SEC16A: variants seen among roughly 807,000 people sequenced by gnomAD.
SEC16A encodes protein transport protein Sec16A.
Under a neutral mutation model 221.9 loss-of-function variants are expected in SEC16A, and 110 were observed. The observed-to-expected ratio is 0.50, with a 90% confidence interval of 0.42 to 0.58. The LOEUF (loss-of-function observed/expected upper bound fraction) is 0.58, where lower values mean the gene tolerates loss of function less well. Ranked by LOEUF, SEC16A falls within the 20% of genes least tolerant of loss-of-function variation. The probability of loss-of-function intolerance (pLI) is 0.00; values close to 1 mark genes in which losing one functional copy is unlikely to be tolerated. For missense variants in SEC16A, 3,165 were observed against 3,097.8 expected (o/e 1.02, Z -0.52); for synonymous variants, 1,393 against 1,257.7 (o/e 1.11, Z -2.28).
intron 4 of SEC16A, among the ~76,000 whole-genome samples, chr9:136,469,570 A>AGGAGGATGGCTTGAGCCC (rs1554815736): frequency 6.6e-6 from 1 of 152,228 alleles, no homozygotes; most frequent in Admixed American, 6.5e-5. Context: ...AGGCTGAGGC[A>AGGAGGATGGCTTGAGCCC]GGAGGATGGC....
intron 31 of SEC16A, 44 bp from the exon 32 acceptor site, chr9:136,441,867 G>C (rs745425610): frequency 5.1e-6 from 8 of 1,560,754 alleles, no homozygotes; most frequent in African/African-American, 1.4e-5. Flanking sequence ...CCTGCCCCCA[G>C]GGTGAGCAGT....
Position 136,476,850 on chromosome 9 carries a change from G to C in SEC16A, c.766C>G (p.Leu256Val), listed in dbSNP as rs1841706115. 1 of 1,612,760 alleles carries C rather than the reference G, an allele frequency of 6.2e-7. No homozygotes were observed. The highest frequency in any genetic ancestry group is 8.5e-7 in the Non-Finnish European group (1 of 1,179,664). ...TGCTCATGACCAGGGCCCTGATGTAGGATGGACGGGGTGGGGAAATGAGGA... is the reference window on the plus strand; with the variant it reads ...TGCTCATGACCAGGGCCCTGATGTACGATGGACGGGGTGGGGAAATGAGGA... ...SVPHFPTPSILHQGPGHEQHS... is the reference protein window; with the variant it reads ...SVPHFPTPSIVHQGPGHEQHS... Residue 256 changes from leucine (L) to valine (V), a missense_variant, in exon 3 of 32, where the codon CTA (leucine) becomes GTA (valine). By Grantham distance (32) the Leu-to-Val change is conservative. Around this residue, in one of 3 missense-constraint regions of SEC16A, gnomAD observed 2,030 missense variants for 1,923.1 expected, o/e 1.06. Coordinates refer to ENST00000684901, the MANE Select transcript of SEC16A (RefSeq NM_014866.2).
At position 136,451,425 on chromosome 9, in the gene SEC16A, C is replaced by G; in HGVS notation, c.6160-17G>C. ...CGAGGGGGTCTGTCGCAAGGAAATGCAGAACAGGCTCTCCTGGGGCTCCTC... is the reference window on the plus strand; with the variant it reads ...CGAGGGGGTCTGTCGCAAGGAAATGGAGAACAGGCTCTCCTGGGGCTCCTC... On this transcript the variant is annotated splice_polypyrimidine_tract_variant and intron_variant, in intron 22 of 31. Transcript: ENST00000684901. 6.3e-7 allele frequency: 1 copy of G among 1,578,950 alleles called. No individual in the cohort carries two copies. The highest frequency in any genetic ancestry group is 1.7e-4 in the Middle Eastern group (1 of 5,842).
chr9:136,443,671 G>C (rs1836523209), intron 31 of SEC16A, among the ~76,000 whole-genome samples, 152 bp downstream of exon 31: 1 of 152,216 alleles, frequency 6.6e-6, no homozygotes, highest in Admixed American at 6.5e-5. Context: ...CTGGGCAACA[G>C]AGCAAGACCC....
Position 136,445,343 on chromosome 9 carries a change from G to A in SEC16A, c.6868-232C>T, listed in dbSNP as rs150088080. On this transcript the variant is annotated intron_variant, in intron 29 of 31. Transcript: ENST00000684901. ...GGGCTGGGAGGAAAAGTCCAGCCTC[G>A]GCCTAAGCCAGCTTCACCTCCTGAC... 4.3e-3 allele frequency among the ~76,000 whole-genome samples: 651 copies of A among 152,236 alleles called. 15 individuals are homozygous for A. The highest frequency in any genetic ancestry group is 0.037 in the Admixed American group (564 of 15,300).
In SEC16A at chr9:136,477,132, T is replaced by C. The variant is rs1188606960; in HGVS notation, c.484A>G (p.Ile162Val). 4 of 1,613,726 alleles carry C rather than the reference T, an allele frequency of 2.5e-6. No individual in the cohort carries two copies. Among genetic ancestry groups the C allele is most frequent in the Non-Finnish European group, 3.4e-6 (4 of 1,179,840 alleles). The change falls in exon 3 of 32, where the codon ATT becomes GTT. Residue 162 changes from isoleucine (I) to valine (V), a missense_variant. Physicochemically the swap from Ile to Val is conservative, Grantham distance 29. Around this residue, in one of 3 missense-constraint regions of SEC16A, gnomAD observed 2,030 missense variants for 1,923.1 expected, o/e 1.06. Coordinates refer to ENST00000684901, the MANE Select transcript of SEC16A (RefSeq NM_014866.2). Reference sequence around the variant, plus strand: ...GACGTTTCAGGATCCACTCCTGGAATGTAGTGAGGAAGATATGGCAGAGTC... The same window carrying C: ...GACGTTTCAGGATCCACTCCTGGAACGTAGTGAGGAAGATATGGCAGAGTC... The part of the protein sequence containing the change: ...VQTLPYLPHY[I>V]PGVDPETSHG...
rs1233122547 is a variant in SEC16A at position 136,483,026 on chromosome 9, C to T, written c.-280G>A. ...GCACAGACACCTCAGCCGCCGCAGCCATCTTGGCACATCCGGCTCGGGTCT... is the reference window on the plus strand; with the variant it reads ...GCACAGACACCTCAGCCGCCGCAGCTATCTTGGCACATCCGGCTCGGGTCT... On this transcript the variant is annotated 5_prime_UTR_variant, in exon 1 of 32. It removes an upstream start codon present in the reference 5' UTR. Transcript: ENST00000684901. 3 of 985,218 alleles carry T rather than the reference C, an allele frequency of 3.0e-6. No homozygotes were observed. The highest frequency in any genetic ancestry group is 3.6e-6 in the Non-Finnish European group (3 of 829,842). The allele number at this position is 985,218 out of a possible 1,614,324, so 61.0% of individuals were successfully genotyped here.
chr9:136,483,099 C>A (rs531199408), upstream of SEC16A: 2 of 858,848 alleles, frequency 2.3e-6, no homozygotes, highest in African/African-American at 1.8e-5. Flanking sequence ...CATCAGCGCG[C>A]GCCCCGCCCC....
chr9:136,448,410 G>A, intron 23 of SEC16A: 1 of 701,888 alleles, frequency 1.4e-6, no homozygotes, highest in Non-Finnish European at 2.6e-6. Flanking sequence ...CCAGGAGGAT[G>A]GAGGTGGGGG....
At position 136,474,388 on chromosome 9, in the gene SEC16A, G is replaced by A. The variant is rs1841333594; in HGVS notation, c.3228C>T (p.Ala1076=). 13 of 1,612,798 alleles carry A rather than the reference G, an allele frequency of 8.1e-6. No individual in the cohort carries two copies. Among genetic ancestry groups the A allele is most frequent in the South Asian group, 1.1e-5 (1 of 91,090 alleles). The change falls in exon 3 of 32, where the codon GCC becomes GCT. Residue 1076 remains alanine (A), a synonymous_variant. Transcript: ENST00000684901. ...CTGGATTTGACAGCTCCGAAAACAT[G>A]GCTTTGGGTAGTTGTGGGGGAGAAG... The part of the protein sequence containing the change: ...QQASPPQLPK[A]MFSELSNPES...
Position 136,457,368 on chromosome 9 carries a change from A to T in SEC16A, c.5550+76T>A, listed in dbSNP as rs952925764. The T allele has an allele frequency of 2.0e-6, 3 of 1,494,844 alleles. No individual in the cohort carries two copies. The African/African-American group carries it at 4.2e-5, about 21-fold the overall frequency. The allele number at this position is 1,494,844 out of a possible 1,614,324, so 92.6% of individuals were successfully genotyped here. A position where few individuals can be genotyped will look rare whatever the true frequency, so the allele number is the denominator to read the frequency against. On this transcript the variant is annotated intron_variant, in intron 18 of 31. Coordinates refer to ENST00000684901, the MANE Select transcript of SEC16A (RefSeq NM_014866.2). ...GCGCGTCTGAACCATCGCTACCCCCATGCCCGGGGGCTCTGGCAAGCCCTC... is the reference window on the plus strand; with the variant it reads ...GCGCGTCTGAACCATCGCTACCCCCTTGCCCGGGGGCTCTGGCAAGCCCTC...
Position 136,456,906 on chromosome 9 carries a change from G to A in SEC16A, c.5550+538C>T, listed in dbSNP as rs550833056. 4.9e-4 allele frequency among the ~76,000 whole-genome samples: 74 copies of A among 152,354 alleles called. 4 individuals carry two copies. The highest frequency in any genetic ancestry group is 5.8e-4 in the East Asian group (3 of 5,184). On this transcript the variant is annotated intron_variant, in intron 18 of 31. Coordinates refer to ENST00000684901, the MANE Select transcript of SEC16A (RefSeq NM_014866.2). Reference sequence around the variant, plus strand: ...ATCCTGGCCGGGCGTGGTGGCTCACGCCTGTAATCCCAGCACTTTGGGAGG... The same window carrying A: ...ATCCTGGCCGGGCGTGGTGGCTCACACCTGTAATCCCAGCACTTTGGGAGG...
In SEC16A at chr9:136,451,341, G is replaced by A. The variant is rs760099669; in HGVS notation, c.6227C>T (p.Thr2076Met). Residue 2076 changes from threonine to methionine, a missense_variant, in exon 23 of 32, where the codon ACG becomes ATG. By Grantham distance (81) the Thr-to-Met change is moderately conservative. Coordinates refer to ENST00000684901, the MANE Select transcript of SEC16A (RefSeq NM_014866.2). ...PGWDRADSGP[T>M]QPPLSLSPAP... ...GGGTGAGAGAGACAGAGGTGGCTGC[G>A]TGGGACCCGAGTCGGCACGATCCCA... 1.5e-5 allele frequency: 25 copies of A among 1,613,654 alleles called. No individual in the cohort carries two copies. Among genetic ancestry groups the A allele is most frequent in the South Asian group, 4.4e-5 (4 of 91,056 alleles).
rs1302181085 is a variant in SEC16A at position 136,447,162 on chromosome 9, G to A, written c.6697+65C>T. 50 of 1,550,148 alleles carry A rather than the reference G, an allele frequency of 3.2e-5. No individual in the cohort carries two copies. Among genetic ancestry groups the A allele is most frequent in the Non-Finnish European group, 4.4e-5 (50 of 1,144,816 alleles). ...ACGGGAGATTTAGGAGAGACTCATA[G>A]AAAGAGGATCAAAGGTCAGGAGACT... is the stretch of plus-strand genomic sequence containing the variant. On this transcript the variant is annotated intron_variant, in intron 27 of 31. Coordinates refer to ENST00000684901, the MANE Select transcript of SEC16A (RefSeq NM_014866.2). This position sits in a 1 kb window ranked among gnomAD's most constrained non-coding sequence, Gnocchi z 5.5.
chr9:136,457,342 T>C, intron 18 of SEC16A, 102 bp downstream of exon 18: 1 of 1,321,092 alleles, frequency 7.6e-7, no homozygotes, highest in Non-Finnish European at 1.0e-6. Flanking sequence ...CCTACCACAA[T>C]GCGCGTCTGA....
rs374699588 is a variant in SEC16A, at chr9:136,475,304, C to T, written c.2312G>A (p.Arg771Gln). The change falls in exon 3 of 32, where the codon CGG becomes CAG. Residue 771 changes from arginine (R) to glutamine (Q), a missense_variant. Arg to Gln is a conservative substitution (Grantham distance 43, BLOSUM62 1). This residue lies in a region of SEC16A where 2,030 missense variants were observed against 1,923.1 expected (regional missense o/e 1.06). Transcript: ENST00000684901. This position sits in a 1 kb window ranked among gnomAD's most constrained non-coding sequence, Gnocchi z 5.0. ...PEEAMSGQQSRNPSSAAPVQS... is the reference protein window; with the variant it reads ...PEEAMSGQQSQNPSSAAPVQS... ...CACCGGGGCCGCCGAGCTTGGGTTC[C>T]GTGACTGCTGCCCGGACATCGCCTC... The T allele has an allele frequency of 4.5e-5, 72 of 1,613,220 alleles. No individual in the cohort carries two copies. Among genetic ancestry groups the T allele is most frequent in the African/African-American group, 9.3e-5 (7 of 75,046 alleles).
At chr9:136,457,672 C>T (rs1222249786) in intron 17 of SEC16A, 88 bp from the exon 18 acceptor site, 2 of 1,467,408 alleles carry the variant, frequency 1.4e-6, no homozygotes, top group Non-Finnish European at 1.8e-6. Flanking sequence ...CTGAGGCTCC[C>T]CTGCATCCGA....
At chr9:136,456,331 G>A (rs532643355) in intron 18 of SEC16A, among the ~76,000 whole-genome samples, 165 bp from the exon 19 acceptor site, 2 of 152,360 alleles carry the variant, frequency 1.3e-5, no homozygotes, top group African/African-American at 2.4e-5. Flanking sequence ...CAGCACATGG[G>A]ACGCTGGGTG....
At chr9:136,452,396 G>A (rs1382816088) in intron 22 of SEC16A, among the ~76,000 whole-genome samples, 1 of 131,476 alleles carries the variant, frequency 7.6e-6, no homozygotes, top group Non-Finnish European at 1.5e-5. Context: ...GATGCAGTGA[G>A]CCAAGATCGC....
Sources: gnomAD v4.1 joint callset for allele counts (sites outside exome capture counted in the v4.1 genomes callset) on GRCh38, gnomAD v4.1.1 for gene constraint, gnomAD v4.1.1 regional missense constraint, Gnocchi (gnomAD v3.1) non-coding constraint, MANE v1.5 for transcripts, NCBI Gene and HGNC (gene_info 2026-07-23, HGNC 2026-07-21) for gene names.